AQR: variants seen among roughly 807,000 people sequenced by gnomAD.
AQR encodes aquarius intron-binding spliceosomal factor, also known as RNA helicase aquarius.
In AQR, 61 loss-of-function variants were observed where a neutral mutation model predicts 180.5. That is an observed-to-expected ratio of 0.34 (90% CI 0.28 to 0.42). The LOEUF (loss-of-function observed/expected upper bound fraction) is 0.42. Ranked by LOEUF, AQR falls within the 10% of genes least tolerant of loss-of-function variation. AQR has a pLI of 1.00. For synonymous variants in AQR, 551 were observed against 588.8 expected (o/e 0.94, Z 0.93); for missense variants, 1,281 against 1,798.3 (o/e 0.71, Z 5.20).
At chr15:34,888,591 C>T (rs934308859) in intron 24 of AQR, among the ~76,000 whole-genome samples, 1 of 151,332 alleles carries the variant, frequency 6.6e-6, no homozygotes, top group African/African-American at 2.4e-5. Context: ...CAGCTACTCA[C>T]GAGACTGAGG....
At chr15:34,960,921 C>A in intron 2 of AQR, 107 bp from the exon 3 acceptor site, 2 of 442,576 alleles carry the variant, frequency 4.5e-6, no homozygotes, top group Non-Finnish European at 8.0e-6. Flanking sequence ...TTTAGGAAAG[C>A]CATCAAATAT....
chr15:34,925,778 A>C (rs1224672347), intron 13 of AQR, among the ~76,000 whole-genome samples: 1 of 152,036 alleles, frequency 6.6e-6, no homozygotes, highest in African/African-American at 2.4e-5. Flanking sequence ...GGTTGCAGTG[A>C]GCCGAGATCG....
chr15:34,854,717 G>A lies in AQR; in HGVS notation c.*2075C>T, dbSNP rs1466588315. On this transcript the variant is annotated 3_prime_UTR_variant, in exon 35 of 35. Transcript: ENST00000156471. Reference sequence around the variant, plus strand: ...CTTCCACCTAAATTTGCTTTTTAGTGATAGAAAAACCAAGCAGCAAAGAAA... The same window carrying A: ...CTTCCACCTAAATTTGCTTTTTAGTAATAGAAAAACCAAGCAGCAAAGAAA... 1 of 152,134 alleles carries A rather than the reference G, an allele frequency of 6.6e-6. No homozygotes were observed. The highest frequency in any genetic ancestry group is 2.4e-5 in the African/African-American group (1 of 41,428). The allele number at this position is 152,134 out of a possible 1,614,324, so 9.4% of individuals were successfully genotyped here.
chr15:34,891,857 AAT>A (rs1457302639), intron 23 of AQR, among the ~76,000 whole-genome samples: 2 of 152,156 alleles, frequency 1.3e-5, no homozygotes, highest in African/African-American at 4.8e-5. Flanking sequence ...TATGTTATGT[AAT>A]ATGTTATTAT....
intron 19 of AQR, among the ~76,000 whole-genome samples, chr15:34,901,781 C>T (rs973606561): frequency 2.0e-5 from 3 of 152,138 alleles, no homozygotes; most frequent in African/African-American, 7.2e-5. Flanking sequence ...TCCCTACTAT[C>T]CCTACTATCA....
chr15:34,937,695 C>G (rs574301653), intron 9 of AQR, among the ~76,000 whole-genome samples: 37 of 151,668 alleles, frequency 2.4e-4, no homozygotes, highest in African/African-American at 8.9e-4. Flanking sequence ...ACCAGCCTGG[C>G]CAACATGGTA....
chr15:34,913,581 AT>A (rs869124131), intron 16 of AQR, among the ~76,000 whole-genome samples: 21 of 152,064 alleles, frequency 1.4e-4, no homozygotes, highest in African/African-American at 4.3e-4. Context: ...ATTAAAAAAA[AT>A]TTTTTTTATT....
intron 13 of AQR, among the ~76,000 whole-genome samples, chr15:34,921,340 A>C (rs987795239): frequency 2.6e-5 from 4 of 150,986 alleles, no homozygotes; most frequent in Non-Finnish European, 4.4e-5. Flanking sequence ...AGGCTGAGGC[A>C]GGAGAATCGC....
intron 13 of AQR, among the ~76,000 whole-genome samples, chr15:34,923,093 G>A (rs902081438): frequency 1.3e-5 from 2 of 152,172 alleles, no homozygotes; most frequent in African/African-American, 4.8e-5. Flanking sequence ...GATATCTTGA[G>A]AGAGAGACCA....
At chr15:34,932,558 A>G (rs1272928547) in intron 10 of AQR, 124 bp from the exon 11 acceptor site, 4 of 671,004 alleles carry the variant, frequency 6.0e-6, no homozygotes, top group Non-Finnish European at 1.0e-5. Context: ...CTTCCAATAG[A>G]CACACTGTAT....
At position 34,927,231 on chromosome 15, in the gene AQR, T is replaced by TA. The variant is rs1893778438; in HGVS notation, c.1015-94_1015-93insT. ...AGAATGAAAATATTTTATAAAAATATTAACGCATTTCTGTCTCTTATATGC... is the reference window on the plus strand; with the variant it reads ...AGAATGAAAATATTTTATAAAAATATATAACGCATTTCTGTCTCTTATATGC... On this transcript the variant is annotated intron_variant, in intron 12 of 34. Coordinates refer to ENST00000156471, the MANE Select transcript of AQR (RefSeq NM_014691.3). 22 of 710,766 alleles carry TA rather than the reference T, an allele frequency of 3.1e-5. 1 individual carries two copies. In the South Asian group the frequency reaches 8.4e-4, roughly 27 times the overall value. The allele number at this position is 710,766 out of a possible 1,614,324, so 44.0% of individuals were successfully genotyped here.
Position 34,852,295 on chromosome 15 carries a change from A to C in AQR, c.*4497T>G, listed in dbSNP as rs1892525616. On this transcript the variant is annotated 3_prime_UTR_variant, in exon 35 of 35. Coordinates refer to ENST00000156471, the MANE Select transcript of AQR (RefSeq NM_014691.3). The stretch of plus-strand genomic sequence containing the variant: ...AAGTGATTCTCCTGCCTCAGCCTCC[A>C]CAGTAGCTAGGACTACAGGTGCCTG... 6.6e-6 allele frequency: 1 copy of C among 151,254 alleles called. No individual in the cohort carries two copies. The highest frequency in any genetic ancestry group is 2.1e-4 in the South Asian group (1 of 4,786). 9.4% of individuals were successfully genotyped at this position (151,254 alleles called of 1,614,324 possible). A position where few individuals can be genotyped will look rare whatever the true frequency, so the allele number is the denominator to read the frequency against.
intron 13 of AQR, among the ~76,000 whole-genome samples, chr15:34,925,863 G>C (rs1018648752): frequency 1.3e-5 from 2 of 148,802 alleles, no homozygotes; most frequent in African/African-American, 2.5e-5. Flanking sequence ...CTCACCAATA[G>C]GAGATTAACT....
intron 27 of AQR, among the ~76,000 whole-genome samples, chr15:34,876,653 A>G (rs1005809728): frequency 1.3e-5 from 2 of 152,080 alleles, no homozygotes; most frequent in Admixed American, 1.3e-4. Flanking sequence ...ACAACTCCTT[A>G]TTTCAAATCC....
At chr15:34,948,190 A>G in intron 5 of AQR, 74 bp downstream of exon 5, 2 of 1,527,644 alleles carry the variant, frequency 1.3e-6, no homozygotes, top group Non-Finnish European at 1.8e-6. Flanking sequence ...CACCACTATC[A>G]GTAAAAGTTC....
chr15:34,942,157 GCCTTTTT>G (rs1894033152), intron 6 of AQR, 77 bp from the exon 7 acceptor site: 1 of 1,029,018 alleles, frequency 9.7e-7, no homozygotes. Flanking sequence ...GAAGTATACT[GCCTTTTT>G]AAGTCCTGGA....
intron 16 of AQR, among the ~76,000 whole-genome samples, chr15:34,914,099 T>G (rs945522029): frequency 2.0e-5 from 3 of 152,220 alleles, no homozygotes; most frequent in African/African-American, 7.2e-5. Flanking sequence ...CCAAAGCTGT[T>G]CAGCTTTTCA....
chr15:34,890,449 A>G (rs1893127315), intron 23 of AQR, 125 bp from the exon 24 acceptor site: 3 of 738,824 alleles, frequency 4.1e-6, no homozygotes, highest in South Asian at 1.8e-5. Context: ...AATTTAATCA[A>G]ATAGTATTTA....
rs967122696 is a variant in AQR, at chr15:34,856,434, T to C, written c.*358A>G. ...TTCCCAATTTGGACACTCAAGGGTA[T>C]TCGTGGTTAAGTCCAGTATATTCTG... On this transcript the variant is annotated 3_prime_UTR_variant, in exon 35 of 35. Transcript: ENST00000156471. 17 of 398,222 alleles carry C rather than the reference T, an allele frequency of 4.3e-5. No individual in the cohort carries two copies. The highest frequency in any genetic ancestry group is 5.7e-5 in the Non-Finnish European group (13 of 226,128). The allele number at this position is 398,222 out of a possible 1,614,324, so 24.7% of individuals were successfully genotyped here.
Sources: gnomAD v4.1 joint callset for allele counts (sites outside exome capture counted in the v4.1 genomes callset) on GRCh38, gnomAD v4.1.1 for gene constraint, MANE v1.5 for transcripts, NCBI Gene and HGNC (gene_info 2026-07-23, HGNC 2026-07-21) for gene names.